ZCCHC17: variants seen among roughly 807,000 people sequenced by gnomAD.
The protein encoded by ZCCHC17 is zinc finger CCHC domain-containing protein 17.
Under a neutral mutation model 30.6 loss-of-function variants are expected in ZCCHC17, and 18 were observed. The ratio of observed to expected loss-of-function variants is 0.59; its 90% CI spans 0.41 to 0.87. ZCCHC17 has a LOEUF of 0.87. ZCCHC17 is among the 40% of genes least tolerant of loss of function. The pLI, the probability that ZCCHC17 is intolerant of heterozygous loss-of-function variation, is 0.00. For missense variants in ZCCHC17, 263 were observed against 284.2 expected, an observed-to-expected ratio of 0.93 and a Z score of 0.54; for synonymous variants, 88 against 92.4, an observed-to-expected ratio of 0.95 and a Z score of 0.27.
At chr1:31,297,207 A>G in intron 1 of ZCCHC17, 132 bp downstream of exon 1, 3 of 400,906 alleles carry the variant, frequency 7.5e-6, no homozygotes, top group Non-Finnish European at 1.3e-5. Flanking sequence ...CCGAGTCCCC[A>G]GCTGTGGTAA....
At chr1:31,334,552 C>T (rs577419305) in intron 3 of ZCCHC17, among the ~76,000 whole-genome samples, 3 of 152,032 alleles carry the variant, frequency 2.0e-5, no homozygotes, top group African/African-American at 7.2e-5. Flanking sequence ...TATTTATTAT[C>T]GAAAATAAAT....
chr1:31,325,443 C>T (rs1638297857), intron 3 of ZCCHC17, among the ~76,000 whole-genome samples: 1 of 152,190 alleles, frequency 6.6e-6, no homozygotes, highest in African/African-American at 2.4e-5. Flanking sequence ...AGCTTCTGGG[C>T]ACCACCATGT....
intron 3 of ZCCHC17, 32 bp downstream of exon 3, chr1:31,319,198 T>A: frequency 1.3e-6 from 2 of 1,578,432 alleles, no homozygotes; most frequent in South Asian, 2.2e-5. Context: ...TTCAGCCCTC[T>A]GATTCTACTC....
intron 6 of ZCCHC17, among the ~76,000 whole-genome samples, chr1:31,347,519 G>A (rs918278384): frequency 3.8e-4 from 58 of 152,316 alleles, no homozygotes; most frequent in African/African-American, 1.4e-3. Context: ...TACCTCCTCA[G>A]GAAAACTGTG....
intron 4 of ZCCHC17, among the ~76,000 whole-genome samples, chr1:31,337,978 T>C (rs975124329): frequency 2.0e-5 from 3 of 152,134 alleles, no homozygotes; most frequent in Non-Finnish European, 4.4e-5. Flanking sequence ...ACAATTTTTC[T>C]TTCTTTTTTG....
At chr1:31,357,353 C>T (rs370533241) in intron 7 of ZCCHC17, among the ~76,000 whole-genome samples, 1 of 152,124 alleles carries the variant, frequency 6.6e-6, no homozygotes, top group African/African-American at 2.4e-5. Context: ...TTCAGTGGTT[C>T]GCTTTCTTCT....
chr1:31,317,629 AT>A (rs11309133), intron 2 of ZCCHC17, among the ~76,000 whole-genome samples: 81,893 of 149,894 alleles, frequency 0.55, 23,074 homozygotes, highest in Non-Finnish European at 0.62. Context: ...CTATACTGTT[AT>A]TTTTTTTTTT....
intron 3 of ZCCHC17, among the ~76,000 whole-genome samples, chr1:31,330,914 G>A (rs1477467082): frequency 1.3e-5 from 2 of 152,286 alleles, no homozygotes; most frequent in African/African-American, 4.8e-5. Flanking sequence ...TCTCTCCCAA[G>A]AATTCAGACT....
chr1:31,303,324 A>G (rs1646365621), intron 1 of ZCCHC17, among the ~76,000 whole-genome samples: 1 of 152,136 alleles, frequency 6.6e-6, no homozygotes. Context: ...TGGAGTCATT[A>G]TTCTGTCTCT....
intron 1 of ZCCHC17, among the ~76,000 whole-genome samples, chr1:31,301,609 G>T (rs1198611800): frequency 1.3e-5 from 2 of 152,226 alleles, no homozygotes; most frequent in Admixed American, 1.3e-4. Flanking sequence ...GACTGAAAGT[G>T]TAGTGTCGAG....
intron 3 of ZCCHC17, among the ~76,000 whole-genome samples, chr1:31,329,011 A>G (rs1322089058): frequency 6.6e-6 from 1 of 152,178 alleles, no homozygotes; most frequent in Non-Finnish European, 1.5e-5. Flanking sequence ...CTCAAAATAG[A>G]AAAAGTTCCA....
chr1:31,340,660 C>T (rs968353653), intron 5 of ZCCHC17, among the ~76,000 whole-genome samples: 8 of 152,148 alleles, frequency 5.3e-5, no homozygotes, highest in Non-Finnish European at 1.0e-4. Flanking sequence ...AGAAAGCCAT[C>T]CAAAATTCTA....
At position 31,346,708 on chromosome 1, in the gene ZCCHC17, T is replaced by C. The variant is rs1425481474; in HGVS notation, c.386T>C (p.Leu129Ser). Residue 129 changes from leucine to serine, a missense_variant, in exon 6 of 8, where the codon TTG becomes TCG. By Grantham distance (145) the Leu-to-Ser change is moderately radical. Transcript: ENST00000344147. ...CAGAAGATCACCCTTGAGGCTGTCT[T>C]GAACACTACCTGCAAGAAGTGTGGC... ...TGQKITLEAV[L>S]NTTCKKCGCK... 2.5e-6 allele frequency: 4 copies of C among 1,614,142 alleles called. No homozygotes were observed. Among genetic ancestry groups the C allele is most frequent in the Non-Finnish European group, 3.4e-6 (4 of 1,180,016 alleles).
At chr1:31,318,754 T>G (rs1646792920) in intron 2 of ZCCHC17, among the ~76,000 whole-genome samples, 1 of 152,210 alleles carries the variant, frequency 6.6e-6, no homozygotes, top group Non-Finnish European at 1.5e-5. Flanking sequence ...ACCTGGTTTT[T>G]TGCTTTTTGT....
At chr1:31,338,885 A>G (rs548590722) in intron 4 of ZCCHC17, 72 bp from the exon 5 acceptor site, 1 of 980,148 alleles carries the variant, frequency 1.0e-6, no homozygotes, top group African/African-American at 1.6e-5. Context: ...GAAAACGTTG[A>G]CTCTTAATTT....
At position 31,351,888 on chromosome 1, in the gene ZCCHC17, T is replaced by G. The variant is rs868622570; in HGVS notation, c.564+2914T>G. ...ATGGTTTTAAATATCATCCCTATAC[T>G]CATAACCCCCAAATTAAGTGCTTGT... is the stretch of plus-strand genomic sequence containing the variant. On this transcript the variant is annotated intron_variant, in intron 7 of 7. Coordinates refer to ENST00000344147, the MANE Select transcript of ZCCHC17 (RefSeq NM_016505.4). Among the ~76,000 whole-genome samples, 16 of 152,198 alleles carry G rather than the reference T, an allele frequency of 1.1e-4. 1 individual carries two copies. The highest frequency in any genetic ancestry group is 3.6e-4 in the African/African-American group (15 of 41,450).
At chr1:31,326,544 T>C (rs1292116451) in intron 3 of ZCCHC17, among the ~76,000 whole-genome samples, 1 of 152,192 alleles carries the variant, frequency 6.6e-6, no homozygotes, top group Non-Finnish European at 1.5e-5. Context: ...ATAGTTGCCA[T>C]AGCTGCCAGT....
intron 3 of ZCCHC17, among the ~76,000 whole-genome samples, chr1:31,319,830 A>G (rs1646819745): frequency 6.6e-6 from 1 of 152,172 alleles, no homozygotes; most frequent in South Asian, 2.1e-4. Context: ...CAACTTGCTA[A>G]CTTCTTATGC....
intron 7 of ZCCHC17, among the ~76,000 whole-genome samples, chr1:31,356,803 A>G (rs1639658695): frequency 6.6e-6 from 1 of 152,240 alleles, no homozygotes; most frequent in Non-Finnish European, 1.5e-5. Context: ...TGGCACCATG[A>G]ACAATTTTTG....
Sources: gnomAD v4.1 joint callset for allele counts (sites outside exome capture counted in the v4.1 genomes callset) on GRCh38, gnomAD v4.1.1 for gene constraint, MANE v1.5 for transcripts, NCBI Gene and HGNC (gene_info 2026-07-23, HGNC 2026-07-21) for gene names.